The following CLINT1 variants were observed in gnomAD, a reference collection of about 807,000 sequenced individuals.
CLINT1 encodes clathrin interacting protein localized in the trans-Golgi region.
A neutral mutation model predicts 70.4 loss-of-function variants in CLINT1; 15 were observed. The ratio of observed to expected loss-of-function variants is 0.21; its 90% CI spans 0.14 to 0.33. The LOEUF is 0.33. Among genes scored for constraint, CLINT1 ranks in the 10% least tolerant of loss-of-function variants. The probability of loss-of-function intolerance (pLI) is 1.00; values close to 1 mark genes in which losing one functional copy is unlikely to be tolerated. For missense variants in CLINT1, 615 were observed against 778.1 expected (o/e 0.79, Z 2.49); for synonymous variants, 227 against 254.7 (o/e 0.89, Z 1.04).
intron 7 of CLINT1, 141 bp from the exon 8 acceptor site, chr5:157,803,860 G>A: frequency 2.1e-6 from 1 of 480,616 alleles, no homozygotes; most frequent in Non-Finnish European, 3.6e-6. Flanking sequence ...AAAGAGTACT[G>A]ACCTTGAATC....
At chr5:157,808,611 A>G (rs1222145624) in intron 6 of CLINT1, among the ~76,000 whole-genome samples, 1 of 152,182 alleles carries the variant, frequency 6.6e-6, no homozygotes, top group Non-Finnish European at 1.5e-5. Flanking sequence ...TACCCTTTAC[A>G]TTCTCAGAAA....
chr5:157,837,439 C>T (rs1045798548), intron 1 of CLINT1, among the ~76,000 whole-genome samples: 32 of 151,878 alleles, frequency 2.1e-4, no homozygotes, highest in Admixed American at 8.5e-4. Context: ...CACACACACA[C>T]ATACTGTAAC....
At chr5:157,820,981 C>A (rs1391723799) in intron 1 of CLINT1, among the ~76,000 whole-genome samples, 2 of 152,198 alleles carry the variant, frequency 1.3e-5, no homozygotes, top group Non-Finnish European at 2.9e-5. Context: ...ACACTACAGT[C>A]AAACAAGTGA....
chr5:157,789,533 G>A lies in CLINT1; in HGVS notation c.1381-20C>T. The A allele has an allele frequency of 1.2e-6, 2 of 1,613,946 alleles. No homozygotes were observed. Among genetic ancestry groups the A allele is most frequent in the Non-Finnish European group, 1.7e-6 (2 of 1,179,876 alleles). On this transcript the variant is annotated intron_variant, in intron 10 of 11. Transcript: ENST00000411809. ...TGTATTCTGATTATAGAGAGGATTA[G>A]GCTTCTGCAGCACTGTGCTAACATT...
At chr5:157,830,211 G>A (rs1396010653) in intron 1 of CLINT1, among the ~76,000 whole-genome samples, 1 of 152,176 alleles carries the variant, frequency 6.6e-6, no homozygotes, top group Non-Finnish European at 1.5e-5. Context: ...GCCTTCCAAA[G>A]TGCTGGGATT....
intron 2 of CLINT1, 47 bp downstream of exon 2, chr5:157,817,396 A>C: frequency 8.5e-7 from 1 of 1,175,074 alleles, no homozygotes. Flanking sequence ...TTCTGTGTTA[A>C]GATGCTTTGA....
intron 1 of CLINT1, among the ~76,000 whole-genome samples, chr5:157,847,335 C>T (rs900906312): frequency 6.6e-6 from 1 of 152,110 alleles, no homozygotes; most frequent in African/African-American, 2.4e-5. Context: ...GAAACCTCAT[C>T]TCTACAGAAA....
chr5:157,832,722 C>A (rs1763285614), intron 1 of CLINT1, among the ~76,000 whole-genome samples: 1 of 152,180 alleles, frequency 6.6e-6, no homozygotes, highest in African/African-American at 2.4e-5. Context: ...ACAGTACCAT[C>A]CAAGGTTATG....
At chr5:157,794,749 A>C in intron 9 of CLINT1, 149 bp downstream of exon 9, 1 of 659,330 alleles carries the variant, frequency 1.5e-6, no homozygotes, top group Non-Finnish European at 2.7e-6. Context: ...GCATCTGCCC[A>C]ATAAAATACC....
chr5:157,849,939 C>T (rs894195705), intron 1 of CLINT1, among the ~76,000 whole-genome samples: 2 of 152,076 alleles, frequency 1.3e-5, no homozygotes. Flanking sequence ...AAGTTCCTGC[C>T]CTCAAGGAAC....
intron 3 of CLINT1, among the ~76,000 whole-genome samples, chr5:157,815,721 C>T (rs1762700302): frequency 6.6e-6 from 1 of 152,150 alleles, no homozygotes; most frequent in South Asian, 2.1e-4. Flanking sequence ...CTTACACAAA[C>T]CTAGATGGTA....
intron 1 of CLINT1, among the ~76,000 whole-genome samples, chr5:157,820,887 A>G (rs1279987085): frequency 1.3e-5 from 2 of 152,192 alleles, no homozygotes; most frequent in East Asian, 3.9e-4. Flanking sequence ...AACAATCCAG[A>G]CAAAGGTCTA....
intron 1 of CLINT1, among the ~76,000 whole-genome samples, chr5:157,819,472 T>C (rs1762817845): frequency 2.0e-5 from 3 of 152,128 alleles, no homozygotes; most frequent in Admixed American, 6.5e-5. Context: ...AATCCAGTAA[T>C]GCTTCTATTG....
At chr5:157,816,226 T>A (rs1762717680) in intron 3 of CLINT1, among the ~76,000 whole-genome samples, 1 of 152,268 alleles carries the variant, frequency 6.6e-6, no homozygotes, top group South Asian at 2.1e-4. Context: ...GAAGCATAGA[T>A]GACTATATTA....
At chr5:157,817,365 A>C (rs533158302) in intron 2 of CLINT1, 78 bp downstream of exon 2, 6 of 927,692 alleles carry the variant, frequency 6.5e-6, no homozygotes, top group Non-Finnish European at 1.0e-5. Context: ...AATAGTTTAA[A>C]TCTGAAAGCA....
chr5:157,849,986 G>C (rs562602621), intron 1 of CLINT1, among the ~76,000 whole-genome samples: 3 of 152,304 alleles, frequency 2.0e-5, no homozygotes, highest in South Asian at 2.1e-4. Context: ...ACATGTAACA[G>C]AGGAAGGCAA....
chr5:157,832,124 GTTA>G (rs1474994715), intron 1 of CLINT1, among the ~76,000 whole-genome samples: 1 of 152,050 alleles, frequency 6.6e-6, no homozygotes, highest in East Asian at 1.9e-4. Context: ...AGTAGCTGGG[GTTA>G]CAGGCACGTG....
intron 8 of CLINT1, among the ~76,000 whole-genome samples, chr5:157,796,717 A>G (rs1186238094): frequency 3.3e-5 from 5 of 152,218 alleles, no homozygotes; most frequent in African/African-American, 9.6e-5. Context: ...TAATTAAACT[A>G]GAACCATCTC....
At chr5:157,850,612 CAAAAAAAAAAAAAA>C (rs67243040) in intron 1 of CLINT1, among the ~76,000 whole-genome samples, 1 of 60,368 alleles carries the variant, frequency 1.7e-5, no homozygotes, top group African/African-American at 6.9e-5. Context: ...GACCCTGTCT[CAAAAAAAAAAAAAA>C]AAAAAAAAAA....
Sources: allele counts gnomAD v4.1 joint callset (sites outside exome capture counted in the v4.1 genomes callset), GRCh38; gene constraint gnomAD v4.1.1; transcripts MANE v1.5; gene names NCBI Gene and HGNC (gene_info 2026-07-23, HGNC 2026-07-21).